MIIP: variants seen among roughly 807,000 people sequenced by gnomAD.
The protein encoded by MIIP is migration and invasion inhibitory protein, also known as migration and invasion-inhibitory protein.
A neutral mutation model predicts 44.8 loss-of-function variants in MIIP; 44 were observed. That is an observed-to-expected ratio of 0.98 (90% confidence interval 0.77 to 1.26). The LOEUF (loss-of-function observed/expected upper bound fraction) is 1.26. MIIP is among the 50% of genes most tolerant of loss of function. The probability of loss-of-function intolerance (pLI) is 0.00; values close to 1 mark genes in which losing one functional copy is unlikely to be tolerated. For missense variants in MIIP, 496 were observed against 511.7 expected, an observed-to-expected ratio of 0.97 and a Z score of 0.30; for synonymous variants, 225 against 218.3, an observed-to-expected ratio of 1.03 and a Z score of -0.27.
chr1:12,021,613 C>T (rs1421407034), intron 1 of MIIP, 32 bp from the exon 2 acceptor site: 6 of 870,416 alleles, frequency 6.9e-6, no homozygotes, highest in Admixed American at 6.2e-5. Context: ...GGGCACCCTA[C>T]TGAGCCCCGT....
chr1:12,029,731 C>G (rs2295288), intron 6 of MIIP, 34 bp from the exon 7 acceptor site: 10 of 1,593,564 alleles, frequency 6.3e-6, no homozygotes, highest in Non-Finnish European at 8.6e-6. Flanking sequence ...GTTCCTGGCT[C>G]AGGGAGAGCT....
rs1639990580 is a variant in MIIP at position 12,022,147 on chromosome 1, A to G, written c.167A>G (p.Glu56Gly). 6.2e-7 allele frequency: 1 copy of G among 1,614,018 alleles called. No individual in the cohort carries two copies. The highest frequency in any genetic ancestry group is 8.5e-7 in the Non-Finnish European group (1 of 1,179,996). Residue 56 changes from glutamate (E) to glycine (G), a missense_variant, in exon 3 of 10, where the codon GAG becomes GGG. Transcript: ENST00000235332. ...AACTCAGAGACTCCATCGACCCCAG[A>G]GACGTCCTCAACTTCCTTGAGCACC... is the stretch of plus-strand genomic sequence containing the variant. Reference protein sequence around the residue: ...SYNSETPSTPETSSTSLSTSC... With the variant: ...SYNSETPSTPGTSSTSLSTSC...
Position 12,030,084 on chromosome 1 carries a change from G to A in MIIP, c.902G>A (p.Arg301Gln), listed in dbSNP as rs1301841452. 7 of 1,613,386 alleles carry A rather than the reference G, an allele frequency of 4.3e-6. No homozygotes were observed. Among genetic ancestry groups the A allele is most frequent in the Non-Finnish European group, 4.2e-6 (5 of 1,179,954 alleles). Residue 301 changes from arginine to glutamine, a missense_variant, in exon 8 of 10, where the codon CGA (arginine) becomes CAA (glutamine). Physicochemically the swap from Arg to Gln is conservative, Grantham distance 43. Coordinates refer to ENST00000235332, the MANE Select transcript of MIIP (RefSeq NM_021933.4). ...EPPHRYHIHR[R>Q]KSFDASDTLA... ...CCGCACCGGTACCACATCCACCGGC[G>A]AAAGAGCTTTGACGCCTCTGACACA...
chr1:12,025,808 C>T (rs981661290), intron 4 of MIIP, among the ~76,000 whole-genome samples: 2 of 152,094 alleles, frequency 1.3e-5, no homozygotes, highest in Non-Finnish European at 2.9e-5. Context: ...TCAAGCAATT[C>T]TTCCTCAGCC....
intron 4 of MIIP, chr1:12,024,091 A>G (rs1289031112): frequency 6.6e-6 from 1 of 152,172 alleles, no homozygotes; most frequent in Admixed American, 6.5e-5. Context: ...CTGTGAGTAT[A>G]CAATTGCGAT....
At chr1:12,025,915 C>T (rs1444699240) in intron 4 of MIIP, among the ~76,000 whole-genome samples, 2 of 151,126 alleles carry the variant, frequency 1.3e-5, no homozygotes, top group Admixed American at 6.6e-5. Flanking sequence ...CCAGGCTGGT[C>T]TCGAACTCCT....
In MIIP at chr1:12,031,554, A is replaced by G. The variant is rs138838977; in HGVS notation, c.1080+151A>G. 5.4e-4 allele frequency: 849 copies of G among 1,582,684 alleles called. 3 individuals are homozygous for G. In the African/African-American group the frequency reaches 0.01, roughly 19 times the overall value. On this transcript the variant is annotated intron_variant, in intron 9 of 9. Transcript: ENST00000235332. ...GTCTCTCTGCAGGGTCCAGCCCTCC[A>G]GCCCTGACCCTAGCCATCCCTCGGA...
intron 4 of MIIP, among the ~76,000 whole-genome samples, chr1:12,027,932 C>T (rs574577409): frequency 6.6e-6 from 1 of 152,314 alleles, no homozygotes; most frequent in South Asian, 2.1e-4. Context: ...ACTGTTTAGG[C>T]CGGGTGCGGT....
Position 12,029,084 on chromosome 1 carries a change from C to G in MIIP, c.599C>G (p.Ser200Cys). 1 of 1,614,158 alleles carries G rather than the reference C, an allele frequency of 6.2e-7. No individual in the cohort carries two copies. The highest frequency in any genetic ancestry group is 8.5e-7 in the Non-Finnish European group (1 of 1,180,010). The change falls in exon 5 of 10, where the codon TCC becomes TGC. Residue 200 changes from serine to cysteine, a missense_variant. Ser to Cys is a moderately radical substitution (Grantham distance 112, BLOSUM62 -1). Coordinates refer to ENST00000235332, the MANE Select transcript of MIIP (RefSeq NM_021933.4). ...ACCAGCCAGCCTGAGGCCTTCTTCT[C>G]CAAGCTGCAGGAGTTTCGGGAAACC... ...SITSQPEAFF[S>C]KLQEFRETNK...
rs1353450955 is a variant in MIIP, at chr1:12,031,862, T to C, written c.*54T>C. 6.5e-7 allele frequency: 1 copy of C among 1,542,038 alleles called. No homozygotes were observed. The highest frequency in any genetic ancestry group is 1.1e-5 in the South Asian group (1 of 87,740). ...CCCGCCGCCTCCAGCCTCTCCCCTC[T>C]GGCAGGCGCACCCAGGAGATGGAAT... On this transcript the variant is annotated 3_prime_UTR_variant, in exon 10 of 10. Transcript: ENST00000235332.
intron 8 of MIIP, chr1:12,031,007 C>G (rs1640229169): frequency 2.1e-6 from 1 of 477,924 alleles, no homozygotes; most frequent in African/African-American, 2.0e-5. Flanking sequence ...CTTGGAGAGC[C>G]TACAGCAGGA....
chr1:12,026,342 G>A (rs1196262486), intron 4 of MIIP, among the ~76,000 whole-genome samples: 1 of 152,142 alleles, frequency 6.6e-6, no homozygotes, highest in Non-Finnish European at 1.5e-5. Context: ...GTTGCTGAGA[G>A]CAACTGGTGG....
chr1:12,027,570 T>A (rs1057402056), intron 4 of MIIP, among the ~76,000 whole-genome samples: 1 of 152,202 alleles, frequency 6.6e-6, no homozygotes. Context: ...TTGTTCTGAC[T>A]GCTACACCCC....
chr1:12,030,036 T>G lies in MIIP; in HGVS notation c.854T>G (p.Ile285Ser). The G allele has an allele frequency of 6.2e-7, 1 of 1,613,388 alleles. No individual in the cohort carries two copies. The highest frequency in any genetic ancestry group is 8.5e-7 in the Non-Finnish European group (1 of 1,179,858). Residue 285 changes from isoleucine to serine, a missense_variant, in exon 8 of 10, where the codon ATC becomes AGC. By Grantham distance (142) the Ile-to-Ser change is moderately radical. Coordinates refer to ENST00000235332, the MANE Select transcript of MIIP (RefSeq NM_021933.4). ...LAQPAHVRVSIPLSILEPPHR... is the reference protein window; with the variant it reads ...LAQPAHVRVSSPLSILEPPHR... ...ACTGCCCCCCTGCGCAGGGTGAGCATCCCGCTGTCGATCCTGGAGCCCCCG... is the reference window on the plus strand; with the variant it reads ...ACTGCCCCCCTGCGCAGGGTGAGCAGCCCGCTGTCGATCCTGGAGCCCCCG...
chr1:12,021,568 T>C, intron 1 of MIIP, 77 bp from the exon 2 acceptor site: 2 of 639,254 alleles, frequency 3.1e-6, no homozygotes, highest in Non-Finnish European at 5.5e-6. Context: ...GGCAGTACAG[T>C]TAAAGAGTGT....
chr1:12,030,019 C>G lies in MIIP; in HGVS notation c.846-9C>G, dbSNP rs1457109200. Reference sequence around the variant, plus strand: ...CTCCTCAGGGGTCCCCCACTGCCCCCCTGCGCAGGGTGAGCATCCCGCTGT... The same window carrying G: ...CTCCTCAGGGGTCCCCCACTGCCCCGCTGCGCAGGGTGAGCATCCCGCTGT... On this transcript the variant is annotated splice_polypyrimidine_tract_variant and intron_variant, in intron 7 of 9. Transcript: ENST00000235332. The G allele has an allele frequency of 4.3e-6, 7 of 1,613,022 alleles. No individual in the cohort carries two copies. The highest frequency in any genetic ancestry group is 1.3e-5 in the African/African-American group (1 of 74,914).
At chr1:12,023,059 CTTTTTTTT>C (rs869060053) in intron 4 of MIIP, 142 bp downstream of exon 4, 7 of 353,312 alleles carry the variant, frequency 2.0e-5, no homozygotes, top group East Asian at 5.0e-5. Context: ...GGAGCACCCT[CTTTTTTTT>C]TTTTTTTTTT....
chr1:12,020,882 C>T (rs965811323), intron 1 of MIIP, among the ~76,000 whole-genome samples: 5 of 152,016 alleles, frequency 3.3e-5, no homozygotes, highest in South Asian at 2.1e-4. Context: ...CGAGGTCTCT[C>T]GCCACGTTGG....
At chr1:12,023,676 CTTTTT>C in intron 4 of MIIP, among the ~76,000 whole-genome samples, 1 of 137,446 alleles carries the variant, frequency 7.3e-6, no homozygotes, top group East Asian at 2.2e-4. Context: ...CCATGCCCGG[CTTTTT>C]TTTTTTTTTT....
Sources: allele counts gnomAD v4.1 joint callset (sites outside exome capture counted in the v4.1 genomes callset), GRCh38; gene constraint gnomAD v4.1.1; transcripts MANE v1.5; gene names NCBI Gene and HGNC (gene_info 2026-07-23, HGNC 2026-07-21).